DPYD: variants seen among roughly 807,000 people sequenced by gnomAD.
The protein encoded by DPYD is dihydropyrimidine dehydrogenase.
Under a neutral mutation model 116.2 loss-of-function variants are expected in DPYD, and 109 were observed. That is an observed-to-expected ratio of 0.94 (90% CI 0.80 to 1.10). DPYD has a LOEUF of 1.10. DPYD is among the 50% of genes least tolerant of loss of function. The pLI, the probability that DPYD is intolerant of heterozygous loss-of-function variation, is 0.00. For missense variants in DPYD, 1,302 were observed against 1,254.5 expected, an observed-to-expected ratio of 1.04 and a Z score of -0.57; for synonymous variants, 440 against 432.0, an observed-to-expected ratio of 1.02 and a Z score of -0.23.
chr1:97,323,308 GTATATATACA>G (rs1558029529), intron 16 of DPYD, among the ~76,000 whole-genome samples: 11 of 144,322 alleles, frequency 7.6e-5, no homozygotes, highest in African/African-American at 2.6e-4. Flanking sequence ...ATATGTACAC[GTATATATACA>G]TATGTGTATA....
At chr1:97,777,006 A>G (rs912153372) in intron 3 of DPYD, among the ~76,000 whole-genome samples, 1 of 152,180 alleles carries the variant, frequency 6.6e-6, no homozygotes, top group African/African-American at 2.4e-5. Flanking sequence ...CTTTTCGACA[A>G]AAGTTATATA....
At chr1:97,668,599 T>C (rs1452594013) in intron 8 of DPYD, among the ~76,000 whole-genome samples, 1 of 152,104 alleles carries the variant, frequency 6.6e-6, no homozygotes, top group Non-Finnish European at 1.5e-5. Flanking sequence ...CTTAAAAATA[T>C]GATCAACCAA....
At chr1:97,721,784 G>A in intron 4 of DPYD, 113 bp from the exon 5 acceptor site, 1 of 1,006,000 alleles carries the variant, frequency 9.9e-7, no homozygotes, top group Non-Finnish European at 1.5e-6. Flanking sequence ...ATAATGATGT[G>A]TATAAGATGC....
intron 19 of DPYD, among the ~76,000 whole-genome samples, chr1:97,215,932 G>C (rs1660356937): frequency 6.6e-6 from 1 of 152,150 alleles, no homozygotes; most frequent in African/African-American, 2.4e-5. Context: ...CAGAAGAGAG[G>C]ATCAGATCAC....
chr1:97,804,290 T>C (rs898508887), intron 3 of DPYD, among the ~76,000 whole-genome samples: 1 of 151,756 alleles, frequency 6.6e-6, no homozygotes, highest in East Asian at 1.9e-4. Context: ...ACAAGAATAC[T>C]AAAAGATTTT....
intron 12 of DPYD, among the ~76,000 whole-genome samples, chr1:97,525,789 A>AGAGAGAGAGAGAGAGAGAGG (rs1431555133): frequency 7.0e-6 from 1 of 142,612 alleles, no homozygotes; most frequent in African/African-American, 2.7e-5. Context: ...AGAGAGAGAG[A>AGAGAGAGAGAGAGAGAGAGG]GTGTGTGTGT....
intron 8 of DPYD, among the ~76,000 whole-genome samples, chr1:97,652,138 C>T (rs1157080565): frequency 4.0e-5 from 6 of 151,722 alleles, no homozygotes; most frequent in African/African-American, 1.2e-4. Context: ...AGTCATATAA[C>T]CTAAAAAAAG....
rs1403564660 is a variant in DPYD, at chr1:97,573,390, G to T, written c.1339+370C>A. 2.6e-5 allele frequency among the ~76,000 whole-genome samples: 4 copies of T among 152,018 alleles called. No homozygotes were observed. In the East Asian group the frequency reaches 7.7e-4, roughly 29 times the overall value. On this transcript the variant is annotated intron_variant, in intron 11 of 22. Coordinates refer to ENST00000370192, the MANE Select transcript of DPYD (RefSeq NM_000110.4). ...TATTTTTGGCCATTCATTAGATTTT[G>T]ATTTGTCTGAATCATTGAAGACTGG...
chr1:97,080,600 T>G (rs1337301363), intron 22 of DPYD, among the ~76,000 whole-genome samples: 2 of 152,158 alleles, frequency 1.3e-5, no homozygotes, highest in African/African-American at 4.8e-5. Context: ...TGCTATGTTT[T>G]GTAAAACAAC....
intron 1 of DPYD, among the ~76,000 whole-genome samples, chr1:97,892,697 C>T (rs1414504201): frequency 6.6e-6 from 1 of 151,722 alleles, no homozygotes; most frequent in Non-Finnish European, 1.5e-5. Context: ...TCTACTTTTC[C>T]AAGTAACTTA....
chr1:97,737,561 A>G (rs1057375985), intron 4 of DPYD, among the ~76,000 whole-genome samples: 2 of 152,150 alleles, frequency 1.3e-5, no homozygotes, highest in African/African-American at 4.8e-5. Flanking sequence ...AAAGCTTTAG[A>G]AAGTTATTCT....
intron 18 of DPYD, among the ~76,000 whole-genome samples, chr1:97,241,821 T>C (rs1412358728): frequency 1.3e-5 from 2 of 151,838 alleles, no homozygotes; most frequent in African/African-American, 4.8e-5. Flanking sequence ...TGGGAAAGAC[T>C]TGGCACAGTG....
intron 11 of DPYD, among the ~76,000 whole-genome samples, chr1:97,553,166 A>T (rs905874592): frequency 1.3e-5 from 2 of 151,958 alleles, no homozygotes; most frequent in African/African-American, 4.8e-5. Context: ...AGCACATGTA[A>T]TATTCATATA....
At chr1:97,167,081 A>G (rs1428603668) in intron 20 of DPYD, among the ~76,000 whole-genome samples, 2 of 152,196 alleles carry the variant, frequency 1.3e-5, no homozygotes, top group African/African-American at 4.8e-5. Flanking sequence ...TCTGCTTTAG[A>G]AGAGATTCTT....
intron 14 of DPYD, among the ~76,000 whole-genome samples, chr1:97,390,269 G>T (rs1672622954): frequency 6.6e-6 from 1 of 152,000 alleles, no homozygotes; most frequent in Admixed American, 6.6e-5. Context: ...AGTGACGGGG[G>T]TGAACAACTA....
At chr1:97,800,102 G>A (rs2101326487) in intron 3 of DPYD, among the ~76,000 whole-genome samples, 1 of 151,926 alleles carries the variant, frequency 6.6e-6, no homozygotes, top group South Asian at 2.1e-4. Context: ...CATATTAACT[G>A]TAAAATTAGA....
At chr1:97,264,089 T>C (rs931070521) in intron 18 of DPYD, among the ~76,000 whole-genome samples, 1 of 149,924 alleles carries the variant, frequency 6.7e-6, no homozygotes, top group African/African-American at 2.4e-5. Context: ...AAGAGCCAGA[T>C]CATGATCTAG....
chr1:97,356,217 T>C (rs183074946), intron 16 of DPYD, among the ~76,000 whole-genome samples: 12 of 152,320 alleles, frequency 7.9e-5, no homozygotes, highest in Admixed American at 6.5e-4. Context: ...TATTGGTCAT[T>C]TGTGTTATTT....
intron 18 of DPYD, among the ~76,000 whole-genome samples, chr1:97,259,558 T>C (rs1018377432): frequency 1.3e-5 from 2 of 151,926 alleles, no homozygotes; most frequent in Non-Finnish European, 2.9e-5. Context: ...AAGTATTCAA[T>C]CAAGGTTGGG....
Sources: allele counts gnomAD v4.1 joint callset (sites outside exome capture counted in the v4.1 genomes callset), GRCh38; gene constraint gnomAD v4.1.1; transcripts MANE v1.5; gene names NCBI Gene and HGNC (gene_info 2026-07-23, HGNC 2026-07-21).